Variants in TMEM178B observed in about 807,000 individuals in gnomAD.
TMEM178B encodes transmembrane protein 178B.
TMEM178B carries 5 observed loss-of-function variants against 31.0 expected under a neutral mutation model. The ratio of observed to expected loss-of-function variants is 0.16; its 90% CI spans 0.08 to 0.34. The LOEUF (loss-of-function observed/expected upper bound fraction) is 0.34. Ranked by LOEUF, TMEM178B falls within the 10% of genes least tolerant of loss-of-function variation. The probability of loss-of-function intolerance (pLI) is 1.00; values close to 1 mark genes in which losing one functional copy is unlikely to be tolerated. For synonymous variants in TMEM178B, 164 were observed against 164.0 expected (o/e 1.00, Z 0.00); for missense variants, 275 against 400.3 (o/e 0.69, Z 2.67).
At chr7:141,266,502 G>A (rs942913122) in intron 2 of TMEM178B, among the ~76,000 whole-genome samples, 31 of 152,272 alleles carry the variant, frequency 2.0e-4, no homozygotes, top group African/African-American at 6.7e-4. Flanking sequence ...GAGCATTCCC[G>A]GTGGGTTCAG....
At chr7:141,107,946 G>T (rs112953178) in intron 1 of TMEM178B, among the ~76,000 whole-genome samples, 1 of 152,238 alleles carries the variant, frequency 6.6e-6, no homozygotes, top group Non-Finnish European at 1.5e-5. Context: ...ATGTGCTAGA[G>T]TTTGTGGTGT....
At chr7:141,166,157 G>A (rs1796257294) in intron 1 of TMEM178B, among the ~76,000 whole-genome samples, 1 of 152,216 alleles carries the variant, frequency 6.6e-6, no homozygotes, top group Non-Finnish European at 1.5e-5. Flanking sequence ...TAGACCTATA[G>A]TAGGTGGGAC....
chr7:141,477,562 C>T lies in TMEM178B; in HGVS notation c.*6776C>T, dbSNP rs888366110. On this transcript the variant is annotated 3_prime_UTR_variant, in exon 4 of 4. Transcript: ENST00000565468. ...ATGTTTGAAGGGTCATGGCAAGGGT[C>T]ATGACAAAGACCTGACTCTGGGGTG... is the stretch of plus-strand genomic sequence containing the variant. The T allele has an allele frequency of 2.0e-5, 3 of 152,172 alleles. No individual in the cohort carries two copies. The highest frequency in any genetic ancestry group is 2.0e-4 in the Admixed American group (3 of 15,280). 9.4% of individuals were successfully genotyped at this position (152,172 alleles called of 1,614,324 possible).
intron 1 of TMEM178B, among the ~76,000 whole-genome samples, chr7:141,199,509 G>A (rs564897936): frequency 2.6e-5 from 4 of 152,150 alleles, no homozygotes; most frequent in Non-Finnish European, 4.4e-5. Context: ...CCCCCAGTGG[G>A]GAGGCTGCTT....
At chr7:141,219,627 C>T (rs1336579503) in intron 2 of TMEM178B, among the ~76,000 whole-genome samples, 1 of 152,130 alleles carries the variant, frequency 6.6e-6, no homozygotes, top group Non-Finnish European at 1.5e-5. Context: ...GTCTCTGCCC[C>T]AACCCGGCCC....
chr7:141,087,621 G>A (rs1180461341), intron 1 of TMEM178B, among the ~76,000 whole-genome samples: 1 of 152,204 alleles, frequency 6.6e-6, no homozygotes, highest in East Asian at 1.9e-4. Flanking sequence ...GCGAGAACTA[G>A]TAAAGAAAAG....
intron 2 of TMEM178B, among the ~76,000 whole-genome samples, chr7:141,336,048 A>C (rs1320631080): frequency 6.6e-6 from 1 of 152,194 alleles, no homozygotes; most frequent in African/African-American, 2.4e-5. Flanking sequence ...AATGTTTGAC[A>C]GTCTTTTCAA....
chr7:141,292,927 C>T (rs1798570855), intron 2 of TMEM178B, among the ~76,000 whole-genome samples: 1 of 152,060 alleles, frequency 6.6e-6, no homozygotes, highest in Admixed American at 6.6e-5. Context: ...TGTGAGCCAC[C>T]GCACCCGGCC....
chr7:141,252,473 C>T (rs568930479), intron 2 of TMEM178B, among the ~76,000 whole-genome samples: 7 of 152,126 alleles, frequency 4.6e-5, no homozygotes, highest in African/African-American at 9.7e-5. Flanking sequence ...AAACTGGCCA[C>T]GATGTAGACG....
At chr7:141,500,268 A>T in the TMEM178B span, among the ~76,000 whole-genome samples, 1 of 152,170 alleles carries the variant, frequency 6.6e-6, no homozygotes, top group Non-Finnish European at 1.5e-5. Context: ...CTAGGAGAGG[A>T]ATCAGACAGG....
At chr7:141,228,747 G>T (rs565792756) in intron 2 of TMEM178B, among the ~76,000 whole-genome samples, 1 of 152,244 alleles carries the variant, frequency 6.6e-6, no homozygotes, top group Admixed American at 6.5e-5. Flanking sequence ...TGTCTCCCCG[G>T]CTTGTATCAT....
At chr7:141,192,120 A>G (rs1796706679) in intron 1 of TMEM178B, among the ~76,000 whole-genome samples, 1 of 152,206 alleles carries the variant, frequency 6.6e-6, no homozygotes, top group Non-Finnish European at 1.5e-5. Flanking sequence ...TGCCACTATT[A>G]CTATATAGTA....
intron 2 of TMEM178B, among the ~76,000 whole-genome samples, chr7:141,250,319 C>T (rs1797809380): frequency 6.6e-6 from 1 of 152,088 alleles, no homozygotes; most frequent in African/African-American, 2.4e-5. Context: ...TATCATTATC[C>T]CACTTTATAG....
chr7:141,290,845 G>C (rs1289711105), intron 2 of TMEM178B, among the ~76,000 whole-genome samples: 1 of 152,222 alleles, frequency 6.6e-6, no homozygotes, highest in Admixed American at 6.5e-5. Flanking sequence ...TCTGCTCAGA[G>C]ATGATGGCTG....
chr7:141,202,732 C>T (rs565343728), intron 1 of TMEM178B, among the ~76,000 whole-genome samples: 3 of 152,180 alleles, frequency 2.0e-5, no homozygotes, highest in South Asian at 2.1e-4. Flanking sequence ...AAAGAGAAGA[C>T]GTGGGGGAGG....
chr7:141,157,912 C>T (rs553467030), intron 1 of TMEM178B, among the ~76,000 whole-genome samples: 20 of 152,224 alleles, frequency 1.3e-4, no homozygotes, highest in East Asian at 1.2e-3. Context: ...TACTGTTCCC[C>T]GCCTCTGTGC....
chr7:141,274,908 G>T (rs1195101729), intron 2 of TMEM178B, among the ~76,000 whole-genome samples: 1 of 152,152 alleles, frequency 6.6e-6, no homozygotes, highest in Non-Finnish European at 1.5e-5. Context: ...CTCCAACCAA[G>T]GGTGGATGGA....
At chr7:141,480,628 A>G (rs1204959416), downstream of TMEM178B, among the ~76,000 whole-genome samples, 1 of 152,254 alleles carries the variant, frequency 6.6e-6, no homozygotes, top group Non-Finnish European at 1.5e-5. Flanking sequence ...AGAAGAGAAA[A>G]AGAGGGAAAC....
intron 2 of TMEM178B, among the ~76,000 whole-genome samples, chr7:141,257,547 C>T (rs1797947220): frequency 6.6e-6 from 1 of 152,062 alleles, no homozygotes; most frequent in South Asian, 2.1e-4. Context: ...AAATCCAGTC[C>T]TCAGATCACA....
Sources: allele counts gnomAD v4.1 joint callset (sites outside exome capture counted in the v4.1 genomes callset), GRCh38; gene constraint gnomAD v4.1.1; transcripts MANE v1.5; gene names NCBI Gene and HGNC (gene_info 2026-07-23, HGNC 2026-07-21).